The following ECD variants were observed in gnomAD, a reference collection of about 807,000 sequenced individuals.
ECD encodes the protein ecdysoneless cell cycle regulator.
Under a neutral mutation model 77.2 loss-of-function variants are expected in ECD, and 59 were observed. The ratio of observed to expected loss-of-function variants is 0.76; its 90% CI spans 0.62 to 0.95. The LOEUF is 0.95. ECD is among the 40% of genes least tolerant of loss of function. The pLI is 0.00. For missense variants in ECD, 704 were observed against 763.4 expected, an observed-to-expected ratio of 0.92 and a Z score of 0.92; for synonymous variants, 233 against 267.4, an observed-to-expected ratio of 0.87 and a Z score of 1.26.
intron 3 of ECD, among the ~76,000 whole-genome samples, chr10:73,157,670 C>T (rs1431490795): frequency 1.3e-5 from 2 of 150,850 alleles, no homozygotes; most frequent in African/African-American, 2.4e-5. Context: ...TGCGGTGAGC[C>T]GAGATCGCAC....
chr10:73,166,959 GTC>G (rs1332194353), intron 1 of ECD, among the ~76,000 whole-genome samples: 1 of 152,156 alleles, frequency 6.6e-6, no homozygotes, highest in East Asian at 1.9e-4. Flanking sequence ...TTAGATTTAA[GTC>G]TCTAATCCAT....
At chr10:73,166,664 A>G (rs1286474409) in intron 1 of ECD, among the ~76,000 whole-genome samples, 1 of 152,146 alleles carries the variant, frequency 6.6e-6, no homozygotes, top group East Asian at 1.9e-4. Context: ...CAATTATTAG[A>G]CTGCTTCCTA....
At chr10:73,148,639 G>A (rs1314731326) in intron 7 of ECD, among the ~76,000 whole-genome samples, 1 of 151,986 alleles carries the variant, frequency 6.6e-6, no homozygotes, top group Non-Finnish European at 1.5e-5. Flanking sequence ...ATACAATAAA[G>A]ATTCCTGTTC....
chr10:73,159,346 G>T (rs917263273), intron 3 of ECD, among the ~76,000 whole-genome samples: 1 of 152,138 alleles, frequency 6.6e-6, no homozygotes, highest in African/African-American at 2.4e-5. Context: ...TCTTTAAATT[G>T]TTTCTGTGTA....
chr10:73,134,548 A>G lies in ECD; in HGVS notation c.*35T>C. ...ATGAACAGAATCATATTCAATATTT[A>G]TTTAAAAAGAAAAAAGAGAAGCTAA... On this transcript the variant is annotated 3_prime_UTR_variant, in exon 14 of 14. Transcript: ENST00000372979. 1 of 1,536,852 alleles carries G rather than the reference A, an allele frequency of 6.5e-7. No individual in the cohort carries two copies. Among genetic ancestry groups the G allele is most frequent in the Non-Finnish European group, 8.9e-7 (1 of 1,119,742 alleles).
intron 3 of ECD, among the ~76,000 whole-genome samples, chr10:73,158,325 A>C (rs1251925850): frequency 1.3e-5 from 2 of 152,186 alleles, no homozygotes; most frequent in African/African-American, 4.8e-5. Context: ...ACCACACACA[A>C]AAAAATAAGT....
At chr10:73,139,911 T>G (rs1355932602) in intron 9 of ECD, among the ~76,000 whole-genome samples, 174 bp from the exon 10 acceptor site, 2 of 150,576 alleles carry the variant, frequency 1.3e-5, no homozygotes, top group East Asian at 4.0e-4. Context: ...CTCGAACTCC[T>G]GGGTTCAAAT....
In ECD at chr10:73,163,787, C is replaced by G; in HGVS notation, c.151G>C (p.Val51Leu). 6.2e-7 allele frequency: 1 copy of G among 1,614,094 alleles called. No individual in the cohort carries two copies. The highest frequency in any genetic ancestry group is 8.5e-7 in the Non-Finnish European group (1 of 1,180,020). Residue 51 changes from valine (V) to leucine (L), a missense_variant, in exon 2 of 14, where the codon GTC becomes CTC. Physicochemically the swap from Val to Leu is conservative, Grantham distance 32. Transcript: ENST00000372979. ...GGCTGATTCTGCCAGATGTAGGGGA[C>G]CAGCATAGGTGCAAACCGAGTGATT... ...RIITRFAPML[V>L]PYIWQNQPFN...
At position 73,139,328 on chromosome 10, in the gene ECD, T is replaced by C; in HGVS notation, c.1402A>G (p.Lys468Glu). The C allele has an allele frequency of 1.2e-6, 2 of 1,613,460 alleles. No homozygotes were observed. The highest frequency in any genetic ancestry group is 1.7e-6 in the Non-Finnish European group (2 of 1,179,828). Residue 468 changes from lysine to glutamate, a missense_variant, in exon 11 of 14, where the codon AAG becomes GAG. This residue lies in a region of ECD where 559 missense variants were observed against 583.7 expected (regional missense o/e 0.96). Transcript: ENST00000372979. ...AATTACCGAGGCAGCTCTGCTCCCT[T>C]GTGGGTTGAGACTTTGGATATGAAA... ...KAFISKVSTH[K>E]GAELPREPSE...
intron 7 of ECD, among the ~76,000 whole-genome samples, chr10:73,151,335 C>T (rs905196147): frequency 2.2e-5 from 3 of 137,586 alleles, no homozygotes; most frequent in African/African-American, 8.4e-5. Context: ...AATGAGAACA[C>T]ACGGACACAG....
chr10:73,154,442 T>A lies in ECD; in HGVS notation c.597A>T (p.Pro199=), dbSNP rs1843269614. 1 of 1,607,672 alleles carries A rather than the reference T, an allele frequency of 6.2e-7. No homozygotes were observed. The change falls in exon 6 of 14, where the codon CCA becomes CCT. Residue 199 remains proline (P), a synonymous_variant. Transcript: ENST00000372979. The part of the protein sequence containing the change: ...AAVNRRIRGY[P]EKIQASLHRA... ...GATGAAGTGAGGCCTGAATTTTTTC[T>A]GGGTACCTGGGACAGGTAACATAAT...
chr10:73,136,835 C>G lies in ECD; in HGVS notation c.1573G>C (p.Glu525Gln), dbSNP rs1340729842. The change falls in exon 13 of 14, where the codon GAA (glutamate) becomes CAA (glutamine). Residue 525 changes from glutamate (E) to glutamine (Q), a missense_variant. Transcript: ENST00000372979. ...CLDSDDDLDFETHEPGEEASL... is the reference protein window; with the variant it reads ...CLDSDDDLDFQTHEPGEEASL... ...GCCTCTTCGCCAGGTTCGTGTGTTT[C>G]AAAGTCCAAGTCATCATCACTATCT... The G allele has an allele frequency of 6.2e-7, 1 of 1,614,082 alleles. No homozygotes were observed. The highest frequency in any genetic ancestry group is 1.1e-5 in the South Asian group (1 of 91,070).
At position 73,156,383 on chromosome 10, in the gene ECD, G is replaced by C. The variant is rs751610383; in HGVS notation, c.482C>G (p.Pro161Arg). The C allele has an allele frequency of 6.2e-7, 1 of 1,613,536 alleles. No individual in the cohort carries two copies. Reference sequence around the variant, plus strand: ...TTGTGGAATTGTTGGGGGTGTGGTGGGTAACCAAGATTCTGCTCCAGATTT... The same window carrying C: ...TTGTGGAATTGTTGGGGGTGTGGTGCGTAACCAAGATTCTGCTCCAGATTT... Reference protein sequence around the residue: ...PRKSGAESWLPTTPPTIPQAL... With the variant: ...PRKSGAESWLRTTPPTIPQAL... The change falls in exon 5 of 14, where the codon CCC (proline) becomes CGC (arginine). Residue 161 changes from proline (P) to arginine (R), a missense_variant. This residue lies in a region of ECD where 559 missense variants were observed against 583.7 expected (regional missense o/e 0.96). Coordinates refer to ENST00000372979, the MANE Select transcript of ECD (RefSeq NM_007265.3).
At chr10:73,153,825 C>T (rs1174180651) in intron 6 of ECD, among the ~76,000 whole-genome samples, 5 of 151,036 alleles carry the variant, frequency 3.3e-5, no homozygotes, top group Non-Finnish European at 5.9e-5. Context: ...GGAGGCAGGT[C>T]TCTTGAAAAT....
intron 7 of ECD, among the ~76,000 whole-genome samples, chr10:73,150,337 C>T (rs1215464223): frequency 1.3e-5 from 2 of 152,204 alleles, no homozygotes; most frequent in Non-Finnish European, 2.9e-5. Context: ...AAAGCTGAAA[C>T]TGGATCCCTT....
chr10:73,134,781 T>C lies in ECD; in HGVS notation c.1737A>G (p.Ser579=), dbSNP rs1367848056. ...EPVSQTTDNN[S]DEEDSGTGES... Reference sequence around the variant, plus strand: ...CTCCCGTACCAGAATCTTCCTCATCTGAATTGTTATCGGTAGTCTGGGATA... The same window carrying C: ...CTCCCGTACCAGAATCTTCCTCATCCGAATTGTTATCGGTAGTCTGGGATA... The change falls in exon 14 of 14, where the codon TCA becomes TCG. Residue 579 remains serine (S), a synonymous_variant. Transcript: ENST00000372979. The C allele has an allele frequency of 1.2e-6, 2 of 1,614,200 alleles. No homozygotes were observed. Among genetic ancestry groups the C allele is most frequent in the East Asian group, 4.5e-5 (2 of 44,886 alleles).
Position 73,154,441 on chromosome 10 carries a change from C to G in ECD, c.598G>C (p.Glu200Gln), listed in dbSNP as rs1189099383. 1 of 1,607,538 alleles carries G rather than the reference C, an allele frequency of 6.2e-7. No homozygotes were observed. Among genetic ancestry groups the G allele is most frequent in the Non-Finnish European group, 8.5e-7 (1 of 1,178,042 alleles). ...CGATGAAGTGAGGCCTGAATTTTTT[C>G]TGGGTACCTGGGACAGGTAACATAA... Reference protein sequence around the residue: ...AVNRRIRGYPEKIQASLHRAH... With the variant: ...AVNRRIRGYPQKIQASLHRAH... The change falls in exon 6 of 14, where the codon GAA (glutamate) becomes CAA (glutamine). Residue 200 changes from glutamate (E) to glutamine (Q), a missense_variant. Transcript: ENST00000372979.
chr10:73,149,584 A>G (rs1843176080), intron 7 of ECD, among the ~76,000 whole-genome samples: 1 of 152,198 alleles, frequency 6.6e-6, no homozygotes, highest in African/African-American at 2.4e-5. Flanking sequence ...CCTTTGTGTT[A>G]GATGATTTTG....
chr10:73,163,215 A>G (rs1052212006), intron 2 of ECD, among the ~76,000 whole-genome samples: 6 of 152,218 alleles, frequency 3.9e-5, no homozygotes, highest in Admixed American at 1.3e-4. Flanking sequence ...CCAACAACAC[A>G]GGGAAGCAAT....
Sources: gnomAD v4.1 joint callset for allele counts (sites outside exome capture counted in the v4.1 genomes callset) on GRCh38, gnomAD v4.1.1 for gene constraint, gnomAD v4.1.1 regional missense constraint, MANE v1.5 for transcripts, NCBI Gene and HGNC (gene_info 2026-07-23, HGNC 2026-07-21) for gene names.